The following LCORL variants were observed in gnomAD, a reference collection of about 807,000 sequenced individuals.
LCORL encodes ligand-dependent nuclear receptor corepressor-like protein.
Under a neutral mutation model 141.8 loss-of-function variants are expected in LCORL, and 41 were observed. That is an observed-to-expected ratio of 0.29 (90% CI 0.23 to 0.38). The LOEUF is 0.38. LCORL is among the 10% of genes least tolerant of loss of function. The pLI, the probability that LCORL is intolerant of heterozygous loss-of-function variation, is 1.00. For missense variants in LCORL, 1,759 were observed against 2,035.0 expected (o/e 0.86, Z 2.61); for synonymous variants, 618 against 694.1 (o/e 0.89, Z 1.72).
At chr4:17,912,019 T>C in intron 4 of LCORL, 2 of 652,768 alleles carry the variant, frequency 3.1e-6, no homozygotes, top group South Asian at 2.7e-5. Flanking sequence ...GAACTAGAAG[T>C]TAGAGACCAA....
At chr4:17,973,827 T>G (rs1716433968) in intron 1 of LCORL, among the ~76,000 whole-genome samples, 1 of 152,024 alleles carries the variant, frequency 6.6e-6, no homozygotes, top group African/African-American at 2.4e-5. Flanking sequence ...AAGACTCATC[T>G]TAGAATCTAC....
intron 4 of LCORL, among the ~76,000 whole-genome samples, chr4:17,958,427 G>A (rs1003077298): frequency 6.6e-5 from 10 of 151,894 alleles, no homozygotes; most frequent in African/African-American, 2.2e-4. Context: ...AAAAATAAAA[G>A]ATGAGACATC....
intron 4 of LCORL, among the ~76,000 whole-genome samples, chr4:17,959,728 A>G (rs146016753): frequency 6.6e-6 from 1 of 152,192 alleles, no homozygotes; most frequent in Non-Finnish European, 1.5e-5. Flanking sequence ...CCTCAAACTA[A>G]GCAAAAGATT....
rs183755003 is a variant in LCORL at position 17,895,299 on chromosome 4, C to T, written c.683-9138G>A. On this transcript the variant is annotated intron_variant, in intron 5 of 7. Transcript: ENST00000635767. Reference sequence around the variant, plus strand: ...TTGTACCTGTTGATCAACCTCTGTCCATTCCCCTCCCCACACCCTTTTCCA... The same window carrying T: ...TTGTACCTGTTGATCAACCTCTGTCTATTCCCCTCCCCACACCCTTTTCCA... Among the ~76,000 whole-genome samples the T allele has an allele frequency of 2.5e-3, 379 of 152,144 alleles. 2 individuals carry two copies. The highest frequency in any genetic ancestry group is 4.0e-3 in the Admixed American group (61 of 15,270).
intron 4 of LCORL, among the ~76,000 whole-genome samples, chr4:17,910,826 T>C (rs1732406093): frequency 6.6e-6 from 1 of 152,194 alleles, no homozygotes; most frequent in South Asian, 2.1e-4. Flanking sequence ...TTACAAAACA[T>C]TGTATTACCT....
intron 1 of LCORL, among the ~76,000 whole-genome samples, chr4:18,002,416 C>T (rs982933389): frequency 1.3e-5 from 2 of 151,714 alleles, no homozygotes; most frequent in Non-Finnish European, 2.9e-5. Flanking sequence ...AAAAAAAAAA[C>T]CTTCTGGGTT....
At position 18,017,583 on chromosome 4, in the gene LCORL, G is replaced by C. The variant is rs368814234; in HGVS notation, c.154+4015C>G. Reference sequence around the variant, plus strand: ...CCAATCTAATCATGAGAAAGCAACAGATAAATTCAAATTGAGGGACATTCT... The same window carrying C: ...CCAATCTAATCATGAGAAAGCAACACATAAATTCAAATTGAGGGACATTCT... On this transcript the variant is annotated intron_variant, in intron 1 of 7. Transcript: ENST00000635767. 7.2e-5 allele frequency among the ~76,000 whole-genome samples: 11 copies of C among 152,232 alleles called. No homozygotes were observed. In the East Asian group the frequency reaches 1.5e-3, roughly 21 times the overall value.
intron 4 of LCORL, among the ~76,000 whole-genome samples, chr4:17,936,273 T>C (rs542622120): frequency 6.7e-6 from 1 of 150,110 alleles, no homozygotes; most frequent in Non-Finnish European, 1.5e-5. Flanking sequence ...ATGTTAAAAA[T>C]AGCTCCTAAA....
chr4:17,903,763 T>C (rs1301458360), intron 5 of LCORL, among the ~76,000 whole-genome samples: 1 of 151,682 alleles, frequency 6.6e-6, no homozygotes, highest in Non-Finnish European at 1.5e-5. Flanking sequence ...GAGTGTAGAG[T>C]TTGTGAAAGA....
At chr4:17,981,751 A>G (rs1424453469) in intron 1 of LCORL, among the ~76,000 whole-genome samples, 2 of 151,708 alleles carry the variant, frequency 1.3e-5, no homozygotes, top group East Asian at 3.9e-4. Context: ...GGCTTTTCTT[A>G]TTACTTTTAT....
chr4:17,891,665 T>C (rs1046896359), intron 5 of LCORL, among the ~76,000 whole-genome samples: 1 of 152,196 alleles, frequency 6.6e-6, no homozygotes, highest in African/African-American at 2.4e-5. Flanking sequence ...ACAGATGATG[T>C]AAACATGTAA....
At chr4:17,881,068 T>TA (rs1727505562) in intron 6 of LCORL, 1 of 980,940 alleles carries the variant, frequency 1.0e-6, no homozygotes, top group South Asian at 4.7e-5. Context: ...CAATTTAATA[T>TA]AAAATTGTCA....
chr4:17,881,417 T>C (rs1727559935), intron 6 of LCORL: 2 of 947,492 alleles, frequency 2.1e-6, no homozygotes, highest in African/African-American at 1.8e-5. Flanking sequence ...ATAATAGAAA[T>C]GTTTTGTTTC....
Position 17,884,265 on chromosome 4 carries a change from C to G in LCORL, c.776+1803G>C. The G allele has an allele frequency of 6.4e-7, 1 of 1,550,746 alleles. No individual in the cohort carries two copies. Among genetic ancestry groups the G allele is most frequent in the Non-Finnish European group, 8.7e-7 (1 of 1,146,410 alleles). The stretch of plus-strand genomic sequence containing the variant: ...GAACCATCAGGTTGTGATTTTGAGA[C>G]AGAACTTACTCGTAGCTGAGGAATT... On this transcript the variant is annotated intron_variant, in intron 6 of 7. Coordinates refer to ENST00000635767, the Ensembl canonical transcript of LCORL. The surrounding 1 kb of genome is among the most constrained non-coding windows in gnomAD (Gnocchi z 4.4).
At chr4:17,882,178 A>T in intron 6 of LCORL, 1 of 984,342 alleles carries the variant, frequency 1.0e-6, no homozygotes, top group Non-Finnish European at 1.2e-6. Flanking sequence ...ATGATTATTA[A>T]ATACACACAA....
chr4:17,983,567 G>A (rs978079194), intron 1 of LCORL, among the ~76,000 whole-genome samples: 2 of 152,004 alleles, frequency 1.3e-5, no homozygotes, highest in African/African-American at 4.8e-5. Context: ...CTCTCGGCTT[G>A]CTGTTGTTGG....
chr4:17,901,399 A>C (rs1730853995), intron 5 of LCORL, among the ~76,000 whole-genome samples: 1 of 151,574 alleles, frequency 6.6e-6, no homozygotes, highest in African/African-American at 2.4e-5. Context: ...AAAAAAAAAC[A>C]ACAAAATCCT....
intron 1 of LCORL, among the ~76,000 whole-genome samples, chr4:17,993,533 A>G (rs977403333): frequency 6.6e-6 from 1 of 152,196 alleles, no homozygotes; most frequent in African/African-American, 2.4e-5. Context: ...TATGTCTACA[A>G]ATTGAAAAAA....
intron 5 of LCORL, among the ~76,000 whole-genome samples, chr4:17,886,442 C>T (rs747828972): frequency 3.9e-5 from 6 of 151,972 alleles, no homozygotes; most frequent in Non-Finnish European, 8.8e-5. Context: ...CACCTCTCCA[C>T]CATTTTGTAG....
Sources: allele counts gnomAD v4.1 joint callset (sites outside exome capture counted in the v4.1 genomes callset), GRCh38; gene constraint gnomAD v4.1.1; non-coding constraint Gnocchi (gnomAD v3.1); transcripts MANE v1.5; gene names NCBI Gene and HGNC (gene_info 2026-07-23, HGNC 2026-07-21).